Variants in OOEP observed in about 807,000 individuals in gnomAD.
OOEP encodes the protein oocyte expressed protein, also known as oocyte-expressed protein homolog.
In OOEP, 16 loss-of-function variants were observed where a neutral mutation model predicts 13.7. The ratio of observed to expected loss-of-function variants is 1.16; its 90% CI spans 0.79 to 1.77. The LOEUF is 1.77. OOEP is among the 40% of genes most tolerant of loss of function. The pLI is 0.00. For missense variants in OOEP, 195 were observed against 193.1 expected (o/e 1.01, Z -0.06); for synonymous variants, 89 against 77.1 (o/e 1.15, Z -0.81).
At chr6:73,385,797 A>T (rs937919043) in intron 2 of OOEP, among the ~76,000 whole-genome samples, 2 of 152,116 alleles carry the variant, frequency 1.3e-5, no homozygotes, top group African/African-American at 4.8e-5. Flanking sequence ...CATGTTGGCC[A>T]GGCTGGTCTT....
chr6:73,385,386 T>C (rs747685545), intron 2 of OOEP, among the ~76,000 whole-genome samples: 4 of 149,352 alleles, frequency 2.7e-5, no homozygotes, highest in Non-Finnish European at 6.0e-5. Context: ...TTCAGCATTA[T>C]TAAAAAAAAA....
At chr6:73,394,391 G>GT in exon 2 of OOEP, 1 of 714,900 alleles carries the variant, frequency 1.4e-6, no homozygotes, top group Non-Finnish European at 2.6e-6. Context: ...GTGGCTGACT[G>GT]TAATCCCAGC....
intron 2 of OOEP, among the ~76,000 whole-genome samples, chr6:73,387,259 A>T (rs530571860): frequency 6.6e-6 from 1 of 152,238 alleles, no homozygotes; most frequent in South Asian, 2.1e-4. Flanking sequence ...CTGTAATCCC[A>T]GCACTTTGGG....
At chr6:73,384,095 CTAAA>C (rs1314070200) in intron 2 of OOEP, among the ~76,000 whole-genome samples, 6 of 151,602 alleles carry the variant, frequency 4.0e-5, no homozygotes, top group Non-Finnish European at 8.8e-5. Context: ...GACCCTGTCT[CTAAA>C]TAAATAAATA....
chr6:73,395,145 C>T, upstream of OOEP: 5 of 1,611,618 alleles, frequency 3.1e-6, no homozygotes, highest in Non-Finnish European at 3.4e-6. Flanking sequence ...ACTTTGTTGG[C>T]GCGGTAATCG....
rs368582382 is a variant in OOEP at position 73,369,744 on chromosome 6, G to A, written c.49C>T (p.Pro17Ser). 142 of 1,613,902 alleles carry A rather than the reference G, an allele frequency of 8.8e-5. No individual in the cohort carries two copies. The highest frequency in any genetic ancestry group is 1.1e-4 in the Non-Finnish European group (132 of 1,179,898). The change falls in exon 1 of 3, where the codon CCG becomes TCG. Residue 17 changes from proline (P) to serine (S), a missense_variant. By Grantham distance (74) the Pro-to-Ser change is moderately conservative. Transcript: ENST00000370359. ...CGCAGCTGCTCCAGGGAGTGGGCCGGAGTCTGTTTGCCCCGCTGGGACTCA... is the reference window on the plus strand; with the variant it reads ...CGCAGCTGCTCCAGGGAGTGGGCCGAAGTCTGTTTGCCCCGCTGGGACTCA... The part of the protein sequence containing the change: ...AAESQRGKQT[P>S]AHSLEQLRRL...
Position 73,377,913 on chromosome 6 carries a change from G to A in OOEP, c.26-8528C>T, listed in dbSNP as rs370865483. ...TGGTCTTGAACTCTTGGCCGCAAGCGAGCCTTCTACCTTGGCCTTCCTGAA... is the reference window on the plus strand; with the variant it reads ...TGGTCTTGAACTCTTGGCCGCAAGCAAGCCTTCTACCTTGGCCTTCCTGAA... On this transcript the variant is annotated intron_variant, in intron 2 of 3. Transcript: ENST00000370363. Among the ~76,000 whole-genome samples the A allele has an allele frequency of 2.3e-3, 346 of 152,156 alleles. 5 individuals carry two copies. Among genetic ancestry groups the A allele is most frequent in the African/African-American group, 7.9e-3 (327 of 41,518 alleles).
At chr6:73,382,886 ACT>A (rs1378405047) in intron 2 of OOEP, among the ~76,000 whole-genome samples, 56 of 119,472 alleles carry the variant, frequency 4.7e-4, no homozygotes, top group Admixed American at 2.9e-3. Context: ...ACAGAGTCTG[ACT>A]CTGTCACCCA....
At chr6:73,386,116 CAG>C (rs1769269257) in intron 2 of OOEP, among the ~76,000 whole-genome samples, 1 of 130,652 alleles carries the variant, frequency 7.7e-6, no homozygotes, top group Admixed American at 8.4e-5. Flanking sequence ...TTTCCTGAGA[CAG>C]AGTTTCGCTC....
upstream of OOEP, among the ~76,000 whole-genome samples, chr6:73,372,554 G>A (rs961392848): frequency 6.6e-6 from 1 of 152,082 alleles, no homozygotes; most frequent in Non-Finnish European, 1.5e-5. Context: ...TGGGGAGACC[G>A]ATAGGCCTTT....
At chr6:73,373,181 C>G (rs568931931), upstream of OOEP, 11 of 1,611,778 alleles carry the variant, frequency 6.8e-6, no homozygotes, top group Admixed American at 1.7e-4. Context: ...AGTTTTCATC[C>G]GAATCCACTG....
chr6:73,393,871 G>C (rs1769389170), intron 2 of OOEP, among the ~76,000 whole-genome samples: 1 of 152,226 alleles, frequency 6.6e-6, no homozygotes. Flanking sequence ...GTAGAGCAAT[G>C]AATGTCTCTC....
intron 2 of OOEP, among the ~76,000 whole-genome samples, chr6:73,377,824 C>T (rs1267414798): frequency 6.6e-6 from 1 of 152,126 alleles, no homozygotes; most frequent in East Asian, 1.9e-4. Context: ...AGTGCAACCA[C>T]ACCTAGCTAA....
chr6:73,394,994 G>A (rs1324364820), exon 1 of OOEP: 4 of 1,614,284 alleles, frequency 2.5e-6, no homozygotes, highest in Non-Finnish European at 3.4e-6. Context: ...CCAGAGAGGA[G>A]GCCGGCGGAG....
chr6:73,376,815 C>T (rs1582626122), intron 2 of OOEP, among the ~76,000 whole-genome samples: 1 of 152,150 alleles, frequency 6.6e-6, no homozygotes, highest in African/African-American at 2.4e-5. Context: ...CCATGCCTGG[C>T]TAATTTTTGT....
At chr6:73,392,085 A>G (rs149447200) in intron 2 of OOEP, among the ~76,000 whole-genome samples, 346 of 152,320 alleles carry the variant, frequency 2.3e-3, no homozygotes, top group Middle Eastern at 6.8e-3. Context: ...TTTCTGGAAG[A>G]GATTCTATGA....
intron 2 of OOEP, among the ~76,000 whole-genome samples, chr6:73,378,809 G>A (rs375796672): frequency 9.2e-5 from 14 of 151,390 alleles, no homozygotes; most frequent in African/African-American, 2.2e-4. Context: ...GTTTAAAGTG[G>A]GCCGAGATTT....
At chr6:73,388,492 G>A (rs1353288952) in intron 2 of OOEP, among the ~76,000 whole-genome samples, 3 of 152,212 alleles carry the variant, frequency 2.0e-5, no homozygotes, top group African/African-American at 4.8e-5. Context: ...TAAAGCCAAA[G>A]TTATTTATCC....
At chr6:73,386,866 G>A (rs907454739) in intron 2 of OOEP, among the ~76,000 whole-genome samples, 4 of 150,782 alleles carry the variant, frequency 2.7e-5, no homozygotes, top group African/African-American at 9.7e-5. Flanking sequence ...TACTCGGGAT[G>A]CTGAGGCAGG....
Sources: gnomAD v4.1 joint callset for allele counts (sites outside exome capture counted in the v4.1 genomes callset) on GRCh38, gnomAD v4.1.1 for gene constraint, MANE v1.5 for transcripts, NCBI Gene and HGNC (gene_info 2026-07-23, HGNC 2026-07-21) for gene names.